The following TP63 variants were observed in gnomAD, a reference collection of about 807,000 sequenced individuals.
TP63 encodes the protein tumor protein p63.
A neutral mutation model predicts 82.8 loss-of-function variants in TP63; 17 were observed. That is an observed-to-expected ratio of 0.21 (90% CI 0.14 to 0.31). TP63 has a LOEUF of 0.31. Ranked by LOEUF, TP63 falls within the 10% of genes least tolerant of loss-of-function variation. The pLI is 1.00. For synonymous variants in TP63, 330 were observed against 321.7 expected (o/e 1.03, Z -0.28); for missense variants, 648 against 895.3 (o/e 0.72, Z 3.52).
intron 3 of TP63, among the ~76,000 whole-genome samples, chr3:189,757,566 C>T (rs966342660): frequency 1.3e-4 from 20 of 152,128 alleles, no homozygotes; most frequent in Non-Finnish European, 2.4e-4. Context: ...AATTTGGAAA[C>T]AGTGAATTAT....
Position 189,852,603 on chromosome 3 carries a change from G to A in TP63, c.580-11629G>A, listed in dbSNP as rs140324841. 3.9e-4 allele frequency among the ~76,000 whole-genome samples: 59 copies of A among 152,234 alleles called. 3 individuals are homozygous for A. The East Asian group carries it at 0.011, about 27-fold the overall frequency. On this transcript the variant is annotated intron_variant, in intron 4 of 13. Coordinates refer to ENST00000264731, the MANE Select transcript of TP63 (RefSeq NM_003722.5). ...ATTCATTTCTACTGCCCTAGGTTGGGCCTTCCTCATTTCTTGTCTGAATAG... is the reference window on the plus strand; with the variant it reads ...ATTCATTTCTACTGCCCTAGGTTGGACCTTCCTCATTTCTTGTCTGAATAG...
At chr3:189,828,659 G>A (rs1333296289) in intron 4 of TP63, among the ~76,000 whole-genome samples, 3 of 152,154 alleles carry the variant, frequency 2.0e-5, no homozygotes, top group Admixed American at 1.3e-4. Flanking sequence ...AAAATTTATT[G>A]GTTTAAGAAG....
chr3:189,673,439 T>G (rs999722493), intron 1 of TP63, among the ~76,000 whole-genome samples: 1 of 151,988 alleles, frequency 6.6e-6, no homozygotes, highest in Non-Finnish European at 1.5e-5. Flanking sequence ...ACATAAAGAT[T>G]GGAAATATAT....
At chr3:189,861,088 C>T (rs551867035) in intron 4 of TP63, among the ~76,000 whole-genome samples, 5 of 151,516 alleles carry the variant, frequency 3.3e-5, no homozygotes, top group Non-Finnish European at 7.4e-5. Flanking sequence ...GGTTTTTTTT[C>T]GTATGTTTAG....
At chr3:189,749,356 G>T (rs753024358) in intron 3 of TP63, among the ~76,000 whole-genome samples, 7 of 151,902 alleles carry the variant, frequency 4.6e-5, no homozygotes, top group Non-Finnish European at 1.0e-4. Flanking sequence ...AAATAATCCC[G>T]TAAAAATGAG....
At chr3:189,722,289 T>C (rs1169395105) in intron 1 of TP63, among the ~76,000 whole-genome samples, 2 of 152,126 alleles carry the variant, frequency 1.3e-5, no homozygotes, top group African/African-American at 4.8e-5. Context: ...GACAAATAAC[T>C]CAGCAGGAAG....
chr3:189,884,567 A>T (rs1363707089), intron 10 of TP63, among the ~76,000 whole-genome samples: 1 of 152,206 alleles, frequency 6.6e-6, no homozygotes, highest in East Asian at 1.9e-4. Flanking sequence ...CTGCTCCACA[A>T]GGATGGTGTG....
chr3:189,679,258 A>T (rs1221686810), intron 1 of TP63, among the ~76,000 whole-genome samples: 2 of 151,980 alleles, frequency 1.3e-5, no homozygotes, highest in African/African-American at 4.8e-5. Context: ...CACCAACAAT[A>T]GGTTTGCTTT....
intron 1 of TP63, among the ~76,000 whole-genome samples, chr3:189,716,867 C>T (rs1334078824): frequency 1.3e-5 from 2 of 151,836 alleles, no homozygotes; most frequent in Non-Finnish European, 2.9e-5. Context: ...GGCGCAATCT[C>T]GGCTCATTGC....
Position 189,732,699 on chromosome 3 carries a change from T to G in TP63, c.63-5041T>G, listed in dbSNP as rs188093799. ...AACTTGGCCATGGCCTCAAAGCATG[T>G]CATTAGCAGAACTGAGATTGAACCT... On this transcript the variant is annotated intron_variant, in intron 1 of 13. Coordinates refer to ENST00000264731, the MANE Select transcript of TP63 (RefSeq NM_003722.5). Among the ~76,000 whole-genome samples the G allele has an allele frequency of 5.4e-4, 82 of 152,318 alleles. 1 individual carries two copies. The East Asian group carries it at 0.012, about 23-fold the overall frequency.
chr3:189,842,217 G>C (rs1026675481), intron 4 of TP63, among the ~76,000 whole-genome samples: 4 of 152,034 alleles, frequency 2.6e-5, no homozygotes, highest in African/African-American at 7.2e-5. Context: ...ATTGTCTTCT[G>C]TCTGGAGAGA....
chr3:189,802,137 C>T (rs1367197536), intron 3 of TP63, among the ~76,000 whole-genome samples: 1 of 152,178 alleles, frequency 6.6e-6, no homozygotes, highest in Non-Finnish European at 1.5e-5. Flanking sequence ...GTATGTCTCC[C>T]TTAGGCAGTG....
At chr3:189,692,789 C>T (rs1018074367) in intron 1 of TP63, among the ~76,000 whole-genome samples, 2 of 152,114 alleles carry the variant, frequency 1.3e-5, no homozygotes, top group African/African-American at 2.4e-5. Flanking sequence ...AAGCTGCTCA[C>T]AGCTATGAGT....
chr3:189,775,493 C>T (rs1228947080), intron 3 of TP63, among the ~76,000 whole-genome samples: 2 of 152,174 alleles, frequency 1.3e-5, no homozygotes, highest in African/African-American at 4.8e-5. Context: ...TGTTTTCTCT[C>T]TCCTTGTTTT....
chr3:189,663,244 A>G lies in TP63; in HGVS notation c.62+31667A>G, dbSNP rs986162514. 3.9e-5 allele frequency among the ~76,000 whole-genome samples: 6 copies of G among 152,170 alleles called. No individual in the cohort carries two copies. In the Middle Eastern group the frequency reaches 0.01, roughly 259 times the overall value. ...CATTGAGTTCTGTACAATAGTGATT[A>G]TAGTTAAAAATATAAGATAGGTTCT... is the stretch of plus-strand genomic sequence containing the variant. On this transcript the variant is annotated intron_variant, in intron 1 of 13. Coordinates refer to ENST00000264731, the MANE Select transcript of TP63 (RefSeq NM_003722.5).
rs182430442 is a variant in TP63, at chr3:189,886,751, A to G, written c.1507+200A>G. Among the ~76,000 whole-genome samples the G allele has an allele frequency of 1.4e-3, 216 of 152,286 alleles. 1 individual carries two copies. Among genetic ancestry groups the G allele is most frequent in the African/African-American group, 5.1e-3 (212 of 41,554 alleles). On this transcript the variant is annotated intron_variant, in intron 11 of 13. Transcript: ENST00000264731. ...TCATTGCAAAATATACTACTGGTAG[A>G]GATAGGGACGGATGTTTCTTTAGTG...
chr3:189,781,188 T>G (rs1029481815), intron 3 of TP63, among the ~76,000 whole-genome samples: 2 of 152,156 alleles, frequency 1.3e-5, no homozygotes, highest in Non-Finnish European at 2.9e-5. Flanking sequence ...TTAAAAAATA[T>G]AGATAGCTAC....
At chr3:189,711,359 C>T (rs1456753265) in intron 1 of TP63, among the ~76,000 whole-genome samples, 1 of 152,088 alleles carries the variant, frequency 6.6e-6, no homozygotes, top group Admixed American at 6.6e-5. Flanking sequence ...TGAGGTTCTA[C>T]CTCATCTTTA....
At chr3:189,698,275 C>T (rs528519523) in intron 1 of TP63, among the ~76,000 whole-genome samples, 18 of 152,030 alleles carry the variant, frequency 1.2e-4, no homozygotes, top group Admixed American at 3.3e-4. Flanking sequence ...TTTTTTTCTC[C>T]ATCAATTAAT....
Sources: allele counts gnomAD v4.1 joint callset (sites outside exome capture counted in the v4.1 genomes callset), GRCh38; gene constraint gnomAD v4.1.1; transcripts MANE v1.5; gene names NCBI Gene and HGNC (gene_info 2026-07-23, HGNC 2026-07-21).